TSC22D1: variants seen among roughly 807,000 people sequenced by gnomAD.
TSC22D1 encodes TSC22 domain family member 1.
Under a neutral mutation model 74.2 loss-of-function variants are expected in TSC22D1, and 9 were observed. That is an observed-to-expected ratio of 0.12 (90% CI 0.07 to 0.21). The LOEUF is 0.21. TSC22D1 is among the 10% of genes least tolerant of loss of function. The probability of loss-of-function intolerance (pLI) is 1.00; values close to 1 mark genes in which losing one functional copy is unlikely to be tolerated. For synonymous variants in TSC22D1, 586 were observed against 492.5 expected, an observed-to-expected ratio of 1.19 and a Z score of -2.51; for missense variants, 1,427 against 1,304.7, an observed-to-expected ratio of 1.09 and a Z score of -1.44.
intron 1 of TSC22D1, among the ~76,000 whole-genome samples, chr13:44,442,081 C>T (rs1197337558): frequency 1.3e-5 from 2 of 152,154 alleles, no homozygotes; most frequent in East Asian, 1.9e-4. Flanking sequence ...TTCTAATTCC[C>T]TTCAGTCTAG....
At chr13:44,449,915 G>C (rs1282210962) in intron 1 of TSC22D1, among the ~76,000 whole-genome samples, 1 of 152,148 alleles carries the variant, frequency 6.6e-6, no homozygotes, top group Non-Finnish European at 1.5e-5. Context: ...ACCCATGAAA[G>C]GCCAGGAACT....
intron 1 of TSC22D1, among the ~76,000 whole-genome samples, chr13:44,524,222 T>G (rs1440959732): frequency 1.3e-5 from 2 of 151,830 alleles, no homozygotes; most frequent in Non-Finnish European, 2.9e-5. Context: ...AAATTCATAC[T>G]ACTTCCAGTT....
intron 1 of TSC22D1, among the ~76,000 whole-genome samples, chr13:44,569,971 A>AT (rs1393655694): frequency 6.6e-6 from 1 of 152,210 alleles, no homozygotes; most frequent in African/African-American, 2.4e-5. Flanking sequence ...ATAGAGGAAT[A>AT]TTAAAAAGTG....
intron 2 of TSC22D1, 112 bp downstream of exon 2, chr13:44,435,932 G>C (rs1166268602): frequency 8.0e-6 from 9 of 1,119,544 alleles, no homozygotes; most frequent in Non-Finnish European, 1.2e-5. Context: ...ATTTCTACGC[G>C]CATCAAGAGC....
At chr13:44,496,742 G>A (rs1306172935) in intron 1 of TSC22D1, among the ~76,000 whole-genome samples, 2 of 152,092 alleles carry the variant, frequency 1.3e-5, no homozygotes, top group East Asian at 3.9e-4. Flanking sequence ...GTATACACCT[G>A]CAGTCTCAGC....
At position 44,432,911 on chromosome 13, in the gene TSC22D1, C is replaced by G. The variant is rs1315475208; in HGVS notation, c.*1715G>C. 1 of 152,208 alleles carries G rather than the reference C, an allele frequency of 6.6e-6. No individual in the cohort carries two copies. The highest frequency in any genetic ancestry group is 6.5e-5 in the Admixed American group (1 of 15,286). The allele number at this position is 152,208 out of a possible 1,614,324, so 9.4% of individuals were successfully genotyped here. A position where few individuals can be genotyped will look rare whatever the true frequency, so the allele number is the denominator to read the frequency against. On this transcript the variant is annotated 3_prime_UTR_variant, in exon 3 of 3. Coordinates refer to ENST00000458659, the MANE Select transcript of TSC22D1 (RefSeq NM_183422.4). ...GGGCCAATCTGCCTCAGGATTCCTT[C>G]GTGGTTTTAATTTTGGCCTGTTTTA...
At chr13:44,558,355 G>T (rs546284861) in intron 1 of TSC22D1, among the ~76,000 whole-genome samples, 77 of 152,258 alleles carry the variant, frequency 5.1e-4, no homozygotes, top group African/African-American at 1.7e-3. Flanking sequence ...TCATTTCCCT[G>T]TCATATAATC....
rs757728045 is a variant in TSC22D1 at position 44,574,501 on chromosome 13, G to A, written c.1574C>T (p.Thr525Ile). The change falls in exon 1 of 3, where the codon ACT becomes ATT. Residue 525 changes from threonine (T) to isoleucine (I), a missense_variant. Coordinates refer to ENST00000458659, the MANE Select transcript of TSC22D1 (RefSeq NM_183422.4). Reference protein sequence around the residue: ...VTLQQMDFGSTGPQSIPAVSI... With the variant: ...VTLQQMDFGSIGPQSIPAVSI... ...AACTGCTGGAATACTCTGTGGACCA[G>A]TGCTACCAAAATCCATCTGTTGGAG... The A allele has an allele frequency of 2.5e-6, 4 of 1,614,192 alleles. No homozygotes were observed. The South Asian group carries it at 4.4e-5, about 18-fold the overall frequency.
intron 1 of TSC22D1, among the ~76,000 whole-genome samples, chr13:44,532,418 A>C (rs1880894690): frequency 6.6e-6 from 1 of 152,168 alleles, no homozygotes; most frequent in African/African-American, 2.4e-5. Flanking sequence ...CACATCTGTA[A>C]TGTGCTGGTT....
At chr13:44,450,085 G>A (rs1277859831) in intron 1 of TSC22D1, among the ~76,000 whole-genome samples, 2 of 152,130 alleles carry the variant, frequency 1.3e-5, no homozygotes, top group Non-Finnish European at 2.9e-5. Flanking sequence ...GCCTGGGAGT[G>A]TTTCTGAGGG....
chr13:44,521,703 C>G (rs554586343), intron 1 of TSC22D1, among the ~76,000 whole-genome samples: 1 of 151,002 alleles, frequency 6.6e-6, no homozygotes, highest in Non-Finnish European at 1.5e-5. Context: ...AAAAAGAAAC[C>G]TAGGCAATAA....
intron 1 of TSC22D1, among the ~76,000 whole-genome samples, chr13:44,467,732 A>C (rs968799639): frequency 1.3e-5 from 2 of 152,214 alleles, no homozygotes; most frequent in Non-Finnish European, 2.9e-5. Flanking sequence ...GCCATTGTTT[A>C]AAGTCAAAAA....
At chr13:44,537,082 A>G in intron 1 of TSC22D1, 4 of 942,352 alleles carry the variant, frequency 4.2e-6, no homozygotes, top group Non-Finnish European at 5.1e-6. Context: ...AACAGAAATA[A>G]GCCATTATCA....
rs1179733734 is a variant in TSC22D1 at position 44,475,449 on chromosome 13, G to A, written c.2913-39354C>T. Among the ~76,000 whole-genome samples, 12 of 132,670 alleles carry A rather than the reference G, an allele frequency of 9.0e-5. No homozygotes were observed. The East Asian group carries it at 1.8e-3, about 19-fold the overall frequency. 87.0% of individuals were successfully genotyped at this position (132,670 alleles called of 152,430 possible). A position where few individuals can be genotyped will look rare whatever the true frequency, so the allele number is the denominator to read the frequency against. The stretch of plus-strand genomic sequence containing the variant: ...AGGGTGGGAGGGTCAGGAGAGGGAG[G>A]TAAAACAAACAAAAGCAAAAAAAAA... On this transcript the variant is annotated intron_variant, in intron 1 of 2. Transcript: ENST00000458659.
At chr13:44,452,321 C>T (rs777146440) in intron 1 of TSC22D1, among the ~76,000 whole-genome samples, 1 of 152,224 alleles carries the variant, frequency 6.6e-6, no homozygotes, top group Non-Finnish European at 1.5e-5. Flanking sequence ...TTAATCTTTA[C>T]TACTCTGAGG....
chr13:44,535,954 G>C (rs1881108805), intron 1 of TSC22D1, among the ~76,000 whole-genome samples: 1 of 151,842 alleles, frequency 6.6e-6, no homozygotes, highest in Non-Finnish European at 1.5e-5. Flanking sequence ...TATAGGAAAA[G>C]CTTATAGATT....
rs1566186633 is a variant in TSC22D1 at position 44,574,438 on chromosome 13, T to C, written c.1637A>G (p.Gln546Arg). The part of the protein sequence containing the change: ...PQSISQSQIS[Q>R]VQLQSQELSY... The stretch of plus-strand genomic sequence containing the variant: ...CAGTTCTTGAGACTGTAATTGTACT[T>C]GTGAGATCTGTGACTGAGAAATACT... Residue 546 changes from glutamine to arginine, a missense_variant, in exon 1 of 3, where the codon CAA becomes CGA. This residue lies in a region of TSC22D1 where 1,343 missense variants were observed against 1,191.5 expected (regional missense o/e 1.13). Coordinates refer to ENST00000458659, the MANE Select transcript of TSC22D1 (RefSeq NM_183422.4). The C allele has an allele frequency of 3.7e-6, 6 of 1,614,114 alleles. No homozygotes were observed. Among genetic ancestry groups the C allele is most frequent in the East Asian group, 2.2e-5 (1 of 44,902 alleles).
chr13:44,455,098 T>G (rs546684545), intron 1 of TSC22D1, among the ~76,000 whole-genome samples: 15 of 152,156 alleles, frequency 9.9e-5, no homozygotes, highest in African/African-American at 3.6e-4. Flanking sequence ...ACATATACAG[T>G]ATGTGAGATA....
At chr13:44,520,152 T>C (rs2138037257) in intron 1 of TSC22D1, among the ~76,000 whole-genome samples, 1 of 152,278 alleles carries the variant, frequency 6.6e-6, no homozygotes, top group Non-Finnish European at 1.5e-5. Context: ...TTGGTAGAAA[T>C]GCCCAGAGAA....
Sources: gnomAD v4.1 joint callset for allele counts (sites outside exome capture counted in the v4.1 genomes callset) on GRCh38, gnomAD v4.1.1 for gene constraint, gnomAD v4.1.1 regional missense constraint, MANE v1.5 for transcripts, NCBI Gene and HGNC (gene_info 2026-07-23, HGNC 2026-07-21) for gene names.